HTR3E: variants seen among roughly 807,000 people sequenced by gnomAD.
HTR3E encodes the protein 5-hydroxytryptamine (serotonin) receptor 3, family member E.
In HTR3E, 38 loss-of-function variants were observed where a neutral mutation model predicts 38.0. The observed-to-expected ratio is 1.00, with a 90% CI of 0.77 to 1.31. HTR3E has a LOEUF of 1.31. Among genes scored for constraint, HTR3E ranks in the 50% most tolerant of loss-of-function variants. The pLI is 0.00. For missense variants in HTR3E, 547 were observed against 585.2 expected (o/e 0.93, Z 0.67); for synonymous variants, 210 against 232.9 (o/e 0.90, Z 0.89).
At chr3:184,097,706 A>G in intron 1 of HTR3E, 110 bp downstream of exon 1, 4 of 762,888 alleles carry the variant, frequency 5.2e-6, no homozygotes, top group Non-Finnish European at 8.6e-6. Flanking sequence ...TCTAAGATGG[A>G]TAGAGTTCTT....
chr3:184,100,754 C>T, intron 2 of HTR3E, 103 bp downstream of exon 2: 1 of 1,492,148 alleles, frequency 6.7e-7, no homozygotes, highest in African/African-American at 1.4e-5. Context: ...GCTTCCTCCA[C>T]CACTGCTGGA....
At chr3:184,105,478 C>A in intron 6 of HTR3E, 51 bp downstream of exon 6, 2 of 1,538,920 alleles carry the variant, frequency 1.3e-6, no homozygotes, top group Non-Finnish European at 8.8e-7. Context: ...TTTACCCTTG[C>A]CTAGAATGTC....
chr3:184,102,340 T>C (rs990361421), intron 3 of HTR3E, among the ~76,000 whole-genome samples: 2 of 151,884 alleles, frequency 1.3e-5, no homozygotes, highest in South Asian at 4.2e-4. Flanking sequence ...GTTTCACGTC[T>C]GTAGTCCCAG....
At chr3:184,099,224 G>T (rs916874630) in intron 1 of HTR3E, among the ~76,000 whole-genome samples, 2 of 151,426 alleles carry the variant, frequency 1.3e-5, no homozygotes, top group Admixed American at 1.3e-4. Flanking sequence ...TGAGATCCCC[G>T]TCTCTACAAA....
At chr3:184,101,402 T>C in intron 2 of HTR3E, 83 bp from the exon 3 acceptor site, 2 of 1,129,758 alleles carry the variant, frequency 1.8e-6, no homozygotes, top group South Asian at 1.2e-5. Context: ...ACCTTGGGAG[T>C]TGGTAAACAA....
intron 5 of HTR3E, 30 bp downstream of exon 5, chr3:184,104,986 G>A: frequency 1.3e-6 from 2 of 1,580,610 alleles, no homozygotes; most frequent in African/African-American, 1.4e-5. Flanking sequence ...CAGGGATGGG[G>A]TGAATGAGAG....
chr3:184,100,546 T>A lies in HTR3E; in HGVS notation c.129T>A (p.Thr43=), dbSNP rs772593272. 2 of 1,614,042 alleles carry A rather than the reference T, an allele frequency of 1.2e-6. No individual in the cohort carries two copies. Residue 43 remains threonine (T), a synonymous_variant, in exon 2 of 9, where the codon ACT becomes ACA. Transcript: ENST00000415389. The part of the protein sequence containing the change: ...SGFGQHGADP[T]ALNSVFNRKP... ...TTGGCCAGCACGGGGCGGATCCCACTGCTCTGAATTCAGTGTTTAATAGAA... is the reference window on the plus strand; with the variant it reads ...TTGGCCAGCACGGGGCGGATCCCACAGCTCTGAATTCAGTGTTTAATAGAA...
rs1712497022 is a variant in HTR3E, at chr3:184,106,829, A to G, written c.*136A>G. 3 of 877,724 alleles carry G rather than the reference A, an allele frequency of 3.4e-6. No individual in the cohort carries two copies. The highest frequency in any genetic ancestry group is 3.5e-6 in the Non-Finnish European group (2 of 569,864). The allele number at this position is 877,724 out of a possible 1,614,324, so 54.4% of individuals were successfully genotyped here. ...TCTCTGCTGTATTCCATGTATCCCA[A>G]TCCGGTCCTGCTGATCAATTCCAAT... On this transcript the variant is annotated 3_prime_UTR_variant, in exon 9 of 9. Coordinates refer to ENST00000415389, the MANE Select transcript of HTR3E (RefSeq NM_001256613.2). The surrounding 1 kb of genome is among the most constrained non-coding windows in gnomAD (Gnocchi z 4.1).
At chr3:184,098,806 C>T (rs6443949) in intron 1 of HTR3E, among the ~76,000 whole-genome samples, 2 of 151,784 alleles carry the variant, frequency 1.3e-5, no homozygotes, top group Non-Finnish European at 2.9e-5. Context: ...GCACTTGGGA[C>T]GCTGAGGCAG....
chr3:184,106,067 T>C lies in HTR3E; in HGVS notation c.926-61T>C. Reference sequence around the variant, plus strand: ...AGGCCGTATGCCTGCCAGGGTGGGATTGGAAGAGAAGAAATTCTAGGTGGT... The same window carrying C: ...AGGCCGTATGCCTGCCAGGGTGGGACTGGAAGAGAAGAAATTCTAGGTGGT... On this transcript the variant is annotated intron_variant, in intron 7 of 8. Transcript: ENST00000415389. This position sits in a 1 kb window ranked among gnomAD's most constrained non-coding sequence, Gnocchi z 4.1. 1 of 1,583,146 alleles carries C rather than the reference T, an allele frequency of 6.3e-7. No homozygotes were observed. Among genetic ancestry groups the C allele is most frequent in the South Asian group, 1.1e-5 (1 of 89,398 alleles).
chr3:184,105,854 C>A lies in HTR3E; in HGVS notation c.810C>A (p.Tyr270Ter). 6.2e-7 allele frequency: 1 copy of A among 1,614,118 alleles called. No individual in the cohort carries two copies. Among genetic ancestry groups the A allele is most frequent in the Non-Finnish European group, 8.5e-7 (1 of 1,180,008 alleles). The change falls in exon 7 of 9, where the codon TAC becomes TAA. Residue 270 changes from tyrosine to a stop codon, truncating the protein, a stop_gained. Coordinates refer to ENST00000415389, the MANE Select transcript of HTR3E (RefSeq NM_001256613.2). LOFTEE classifies it high-confidence loss of function. ...FLVAIDALSFYLPVKSGNRVP... is the reference protein window; with the variant it reads ...FLVAIDALSF ...TTGCCATCGATGCCCTCAGCTTCTA[C>A]CTGCCAGTGAAAAGTGGGAATCGTG...
Position 184,105,807 on chromosome 3 carries a change from C to T in HTR3E, c.763C>T (p.Leu255Phe). The change falls in exon 7 of 9, where the codon CTC becomes TTC. Residue 255 changes from leucine (L) to phenylalanine (F), a missense_variant. Physicochemically the swap from Leu to Phe is conservative, Grantham distance 22. Transcript: ENST00000415389. ...RRPSLYVINL[L>F]VPSGFLVAID... ...GCCCAGTCTCTATGTCATAAACCTTCTCGTGCCCAGTGGCTTTCTGGTTGC... is the reference window on the plus strand; with the variant it reads ...GCCCAGTCTCTATGTCATAAACCTTTTCGTGCCCAGTGGCTTTCTGGTTGC... 3 of 1,614,206 alleles carry T rather than the reference C, an allele frequency of 1.9e-6. No individual in the cohort carries two copies. Among genetic ancestry groups the T allele is most frequent in the Non-Finnish European group, 2.5e-6 (3 of 1,180,040 alleles).
chr3:184,100,737 C>T (rs1373766477), intron 2 of HTR3E, 86 bp downstream of exon 2: 1 of 1,536,054 alleles, frequency 6.5e-7, no homozygotes, highest in Non-Finnish European at 8.8e-7. Flanking sequence ...CCCTTATCCA[C>T]ATTTCTGCTT....
intron 2 of HTR3E, among the ~76,000 whole-genome samples, chr3:184,100,979 T>C (rs1712003266): frequency 6.6e-6 from 1 of 152,228 alleles, no homozygotes; most frequent in African/African-American, 2.4e-5. Context: ...AGTCTCACTC[T>C]GTTGCCCAGG....
chr3:184,100,419 G>A (rs1228821104), intron 1 of HTR3E, 66 bp from the exon 2 acceptor site: 1 of 1,613,098 alleles, frequency 6.2e-7, no homozygotes, highest in East Asian at 2.2e-5. Context: ...CCTGCCTTGG[G>A]GCCCCTCTCA....
chr3:184,105,955 G>T lies in HTR3E; in HGVS notation c.911G>T (p.Gly304Val). Reference protein sequence around the residue: ...LMMSDLLPTSGTPLIGVYFAL... With the variant: ...LMMSDLLPTSVTPLIGVYFAL... ...ATGAGTGACTTGCTCCCCACCAGTG[G>T]CACCCCCCTCATCGGTATGGCTCCT... The change falls in exon 7 of 9, where the codon GGC becomes GTC. Residue 304 changes from glycine (G) to valine (V), a missense_variant. Transcript: ENST00000415389. The T allele has an allele frequency of 6.2e-7, 1 of 1,614,172 alleles. No homozygotes were observed. The highest frequency in any genetic ancestry group is 8.5e-7 in the Non-Finnish European group (1 of 1,180,032).
chr3:184,102,544 T>A (rs904152850), intron 3 of HTR3E, among the ~76,000 whole-genome samples: 1 of 149,354 alleles, frequency 6.7e-6, no homozygotes, highest in African/African-American at 2.5e-5. Flanking sequence ...GATGAGTTAA[T>A]GGGTGCAGCA....
Position 184,106,109 on chromosome 3 carries a change from A to C in HTR3E, c.926-19A>C, listed in dbSNP as rs769832596. The C allele has an allele frequency of 1.9e-6, 3 of 1,613,484 alleles. No individual in the cohort carries two copies. The highest frequency in any genetic ancestry group is 1.7e-6 in the Non-Finnish European group (2 of 1,179,810). ...CTAGGTGGTGCCTCTGGCCCTCACT[A>C]GGCCCCCCTTCCCTCCAGGTGTCTA... On this transcript the variant is annotated intron_variant, in intron 7 of 8. Transcript: ENST00000415389. The surrounding 1 kb of genome is among the most constrained non-coding windows in gnomAD (Gnocchi z 4.1).
Position 184,106,123 on chromosome 3 carries a change from TCCAGGTG to T in HTR3E, c.926-4_928del, listed in dbSNP as rs1560097494. On this transcript the variant is annotated splice_acceptor_variant and splice_polypyrimidine_tract_variant and coding_sequence_variant and intron_variant, in exon 8 of 9. Transcript: ENST00000415389. LOFTEE classifies it high-confidence loss of function. This position sits in a 1 kb window ranked among gnomAD's most constrained non-coding sequence, Gnocchi z 4.1. ...TGGCCCTCACTAGGCCCCCCTTCCC[TCCAGGTG>T]TCTACTTCGCCCTGTGCCTGTCCCT... is the stretch of plus-strand genomic sequence containing the variant. 1.2e-6 allele frequency: 2 copies of T among 1,613,428 alleles called. No homozygotes were observed. Among genetic ancestry groups the T allele is most frequent in the Non-Finnish European group, 1.7e-6 (2 of 1,179,980 alleles).
Sources: allele counts gnomAD v4.1 joint callset (sites outside exome capture counted in the v4.1 genomes callset), GRCh38; gene constraint gnomAD v4.1.1; non-coding constraint Gnocchi (gnomAD v3.1); transcripts MANE v1.5; gene names NCBI Gene and HGNC (gene_info 2026-07-23, HGNC 2026-07-21).